Variants in SCIN observed in about 807,000 individuals in gnomAD.
SCIN encodes scinderin.
SCIN carries 91 observed loss-of-function variants against 91.8 expected under a neutral mutation model. That is an observed-to-expected ratio of 0.99 (90% CI 0.84 to 1.18). SCIN has a LOEUF of 1.18. Among genes scored for constraint, SCIN ranks in the 50% most tolerant of loss-of-function variants. SCIN has a pLI of 0.00. For synonymous variants in SCIN, 367 were observed against 312.6 expected, an observed-to-expected ratio of 1.17 and a Z score of -1.84; for missense variants, 1,087 against 863.9, an observed-to-expected ratio of 1.26 and a Z score of -3.24.
chr7:12,621,712 G>A (rs1285519292), intron 4 of SCIN, among the ~76,000 whole-genome samples: 1 of 128,634 alleles, frequency 7.8e-6, no homozygotes, highest in Non-Finnish European at 1.6e-5. Flanking sequence ...CATTTAGCAT[G>A]TACAGTATCT....
chr7:12,630,265 C>T (rs940644319), intron 9 of SCIN, among the ~76,000 whole-genome samples: 1 of 152,122 alleles, frequency 6.6e-6, no homozygotes, highest in South Asian at 2.1e-4. Context: ...GTATCAATAT[C>T]ACCTGGGAGC....
Position 12,623,638 on chromosome 7 carries a change from C to G in SCIN, c.759+745C>G, listed in dbSNP as rs145775490. The stretch of plus-strand genomic sequence containing the variant: ...TTCCCTCCCCTTGCAACTTTCTAAG[C>G]GTGTGATTTGGAGCAGATCGTAAAT... On this transcript the variant is annotated intron_variant, in intron 5 of 15. Transcript: ENST00000297029. Among the ~76,000 whole-genome samples, 636 of 152,170 alleles carry G rather than the reference C, an allele frequency of 4.2e-3. 4 individuals are homozygous for G. Among genetic ancestry groups the G allele is most frequent in the African/African-American group, 0.015 (611 of 41,524 alleles).
chr7:12,631,631 G>A (rs1334983627), intron 9 of SCIN, among the ~76,000 whole-genome samples: 2 of 152,170 alleles, frequency 1.3e-5, no homozygotes, highest in African/African-American at 4.8e-5. Flanking sequence ...CCCTCACTGT[G>A]TGATGACCTG....
rs759532948 is a variant in SCIN at position 12,570,876 on chromosome 7, G to T, written c.90G>T (p.Val30=). ...QVWRIEKLEL[V]PVPQSAHGDF... ...GGAGGATTGAGAAGCTGGAGCTGGT[G>T]CCCGTGCCCCAGAGCGCTCACGGCG... is the stretch of plus-strand genomic sequence containing the variant. Residue 30 remains valine, a synonymous_variant, in exon 1 of 16, where the codon GTG becomes GTT. Transcript: ENST00000297029. The T allele has an allele frequency of 6.4e-7, 1 of 1,551,488 alleles. No homozygotes were observed. Among genetic ancestry groups the T allele is most frequent in the African/African-American group, 1.4e-5 (1 of 73,044 alleles).
chr7:12,592,031 G>C (rs958920763), intron 3 of SCIN, among the ~76,000 whole-genome samples: 1 of 152,136 alleles, frequency 6.6e-6, no homozygotes, highest in Non-Finnish European at 1.5e-5. Context: ...AAGGTTTCGG[G>C]CTAGAGCTTG....
chr7:12,577,444 C>G, intron 1 of SCIN: 1 of 440,782 alleles, frequency 2.3e-6, no homozygotes, highest in South Asian at 1.6e-5. Context: ...TCTTATTGAC[C>G]TTACCAAATT....
At chr7:12,601,925 A>T (rs1012816591) in intron 3 of SCIN, among the ~76,000 whole-genome samples, 1 of 152,168 alleles carries the variant, frequency 6.6e-6, no homozygotes, top group Non-Finnish European at 1.5e-5. Context: ...GACTCATGCA[A>T]TGACATTTAT....
intron 4 of SCIN, among the ~76,000 whole-genome samples, chr7:12,606,939 T>C (rs1335928942): frequency 6.6e-6 from 1 of 152,246 alleles, no homozygotes; most frequent in Non-Finnish European, 1.5e-5. Flanking sequence ...GCCTCTGTTC[T>C]AGAGATGGGA....
intron 3 of SCIN, among the ~76,000 whole-genome samples, chr7:12,590,770 G>A (rs943663518): frequency 6.6e-6 from 1 of 152,150 alleles, no homozygotes; most frequent in African/African-American, 2.4e-5. Flanking sequence ...TTAGCTGGGA[G>A]GTGTGTGGCC....
intron 11 of SCIN, 125 bp downstream of exon 11, chr7:12,640,642 C>G: frequency 1.2e-6 from 1 of 865,818 alleles, no homozygotes; most frequent in Non-Finnish European, 1.6e-6. Flanking sequence ...AATTAATCCA[C>G]TGTTCAAAAT....
At position 12,619,240 on chromosome 7, in the gene SCIN, A is replaced by G. The variant is rs139786019; in HGVS notation, c.667-3561A>G. Among the ~76,000 whole-genome samples, 618 of 152,296 alleles carry G rather than the reference A, an allele frequency of 4.1e-3. 7 individuals are homozygous for G. Among genetic ancestry groups the G allele is most frequent in the African/African-American group, 0.014 (586 of 41,580 alleles). On this transcript the variant is annotated intron_variant, in intron 4 of 15. Transcript: ENST00000297029. ...CATCATTATTGTTTTCTTATGATGC[A>G]TTACAAATATTTATTCTAAAGTGGC...
intron 1 of SCIN, among the ~76,000 whole-genome samples, chr7:12,571,822 T>A (rs1327346608): frequency 5.3e-5 from 8 of 152,206 alleles, no homozygotes; most frequent in Non-Finnish European, 1.2e-4. Flanking sequence ...CACTGGGCCT[T>A]GTGTGTTCTT....
chr7:12,607,617 C>G (rs573530410), intron 4 of SCIN, among the ~76,000 whole-genome samples: 5 of 152,206 alleles, frequency 3.3e-5, no homozygotes, highest in Admixed American at 6.5e-5. Context: ...TACAAAGCAC[C>G]CACTTTGTTT....
rs562538899 is a variant in SCIN, at chr7:12,632,346, G to A, written c.1319+3124G>A. Among the ~76,000 whole-genome samples the A allele has an allele frequency of 3.9e-5, 6 of 152,124 alleles. No individual in the cohort carries two copies. The East Asian group carries it at 1.2e-3, about 29-fold the overall frequency. ...GTATTTCACCATGTTGGCCAGGCTG[G>A]TCTTGCACTCCTGACCTCAAGTGGT... On this transcript the variant is annotated intron_variant, in intron 9 of 15. Transcript: ENST00000297029.
In SCIN at chr7:12,646,311, C is replaced by G. The variant is rs1583322739; in HGVS notation, c.1881+1606C>G. 2.6e-5 allele frequency among the ~76,000 whole-genome samples: 4 copies of G among 152,308 alleles called. No homozygotes were observed. In the East Asian group the frequency reaches 7.7e-4, roughly 29 times the overall value. On this transcript the variant is annotated intron_variant, in intron 13 of 15. Transcript: ENST00000297029. The stretch of plus-strand genomic sequence containing the variant: ...GTCCAAGATTAAGGCAACAGCAGAT[C>G]TGATGTCTGGTGAGGGACCACTGTC...
At position 12,581,157 on chromosome 7, in the gene SCIN, C is replaced by G. The variant is rs767190677; in HGVS notation, c.452C>G (p.Thr151Arg). 2.9e-5 allele frequency: 45 copies of G among 1,551,408 alleles called. No individual in the cohort carries two copies. Among genetic ancestry groups the G allele is most frequent in the Middle Eastern group, 3.3e-4 (2 of 6,006 alleles). ...HVKGRRVVRA[T>R]EVPLSWDSFN... The stretch of plus-strand genomic sequence containing the variant: ...AAGGGTCGTAGAGTGGTGAGAGCCA[C>G]AGAAGTTCCCCTTAGCTGGGACAGT... Residue 151 changes from threonine to arginine, a missense_variant, in exon 3 of 16, where the codon ACA (threonine) becomes AGA (arginine). Thr to Arg is a moderately conservative substitution (Grantham distance 71). Coordinates refer to ENST00000297029, the MANE Select transcript of SCIN (RefSeq NM_001112706.3).
At chr7:12,615,052 A>G (rs1336211859) in intron 4 of SCIN, among the ~76,000 whole-genome samples, 1 of 152,184 alleles carries the variant, frequency 6.6e-6, no homozygotes, top group Non-Finnish European at 1.5e-5. Flanking sequence ...GATCACACCC[A>G]AACTGTCTTT....
At chr7:12,614,416 A>G (rs1173223668) in intron 4 of SCIN, among the ~76,000 whole-genome samples, 3 of 152,172 alleles carry the variant, frequency 2.0e-5, no homozygotes, top group Admixed American at 6.5e-5. Context: ...GGAGCTTTAC[A>G]GGATTTAACT....
intron 4 of SCIN, among the ~76,000 whole-genome samples, chr7:12,621,283 A>G (rs1188654411): frequency 6.6e-6 from 1 of 152,122 alleles, no homozygotes; most frequent in Non-Finnish European, 1.5e-5. Context: ...ACCTGACAAT[A>G]TATGGCATCT....
Sources: allele counts gnomAD v4.1 joint callset (sites outside exome capture counted in the v4.1 genomes callset), GRCh38; gene constraint gnomAD v4.1.1; transcripts MANE v1.5; gene names NCBI Gene and HGNC (gene_info 2026-07-23, HGNC 2026-07-21).